Variants in DHX40 observed in about 807,000 individuals in gnomAD.
The protein encoded by DHX40 is DEAH-box helicase 40.
Under a neutral mutation model 89.6 loss-of-function variants are expected in DHX40, and 28 were observed. The ratio of observed to expected loss-of-function variants is 0.31; its 90% CI spans 0.23 to 0.43. The LOEUF is 0.43. Ranked by LOEUF, DHX40 falls within the 20% of genes least tolerant of loss-of-function variation. The probability of loss-of-function intolerance (pLI) is 1.00; values close to 1 mark genes in which losing one functional copy is unlikely to be tolerated. For missense variants in DHX40, 457 were observed against 844.0 expected (o/e 0.54, Z 5.68); for synonymous variants, 226 against 283.6 (o/e 0.80, Z 2.04).
intron 12 of DHX40, among the ~76,000 whole-genome samples, chr17:59,596,226 C>G (rs549838989): frequency 1.7e-3 from 252 of 152,192 alleles, no homozygotes; most frequent in Non-Finnish European, 2.9e-3. Flanking sequence ...ATGATATCTT[C>G]TGGGGGATGG....
intron 3 of DHX40, among the ~76,000 whole-genome samples, chr17:59,572,186 G>A (rs1266075636): frequency 1.3e-5 from 2 of 152,006 alleles, no homozygotes; most frequent in East Asian, 1.9e-4. Flanking sequence ...GCTACAAAAC[G>A]ATCCCTGGTT....
chr17:59,574,521 A>G (rs935972679), intron 6 of DHX40, among the ~76,000 whole-genome samples: 9 of 151,414 alleles, frequency 5.9e-5, no homozygotes, highest in African/African-American at 1.9e-4. Flanking sequence ...AAGACATAGT[A>G]GTATATGTCA....
intron 17 of DHX40, among the ~76,000 whole-genome samples, chr17:59,606,430 A>G (rs1264162538): frequency 1.3e-5 from 2 of 152,328 alleles, no homozygotes; most frequent in Admixed American, 6.5e-5. Context: ...CGAATAAATC[A>G]TAGAAAAATC....
At chr17:59,598,376 C>G (rs983312341) in intron 12 of DHX40, among the ~76,000 whole-genome samples, 5 of 151,952 alleles carry the variant, frequency 3.3e-5, no homozygotes, top group Non-Finnish European at 7.4e-5. Flanking sequence ...GGTAGTGTGA[C>G]TGGGGAACAT....
chr17:59,586,489 C>T (rs948059986), intron 11 of DHX40, among the ~76,000 whole-genome samples: 2 of 151,490 alleles, frequency 1.3e-5, no homozygotes, highest in African/African-American at 4.9e-5. Flanking sequence ...GGTGAAGCCC[C>T]GTCTCTACTA....
chr17:59,583,602 C>T (rs79890228), intron 10 of DHX40, among the ~76,000 whole-genome samples: 2,646 of 142,110 alleles, frequency 0.019, 14 homozygotes, highest in African/African-American at 0.06. Context: ...TTTTTTAGGC[C>T]GGGTGCGGTG....
At chr17:59,605,088 T>C in intron 15 of DHX40, 27 bp from the exon 16 acceptor site, 1 of 1,604,444 alleles carries the variant, frequency 6.2e-7, no homozygotes, top group Non-Finnish European at 8.5e-7. Flanking sequence ...TGTTGTAGTC[T>C]TTATCATTTT....
At chr17:59,572,010 G>T (rs1009848088) in intron 3 of DHX40, among the ~76,000 whole-genome samples, 1 of 152,112 alleles carries the variant, frequency 6.6e-6, no homozygotes, top group African/African-American at 2.4e-5. Context: ...TTATGTGTTT[G>T]TATTCTTGAA....
At position 59,577,206 on chromosome 17, in the gene DHX40, A is replaced by G. The variant is rs1459357541; in HGVS notation, c.974-60A>G. On this transcript the variant is annotated intron_variant, in intron 7 of 17. Coordinates refer to ENST00000251241, the MANE Select transcript of DHX40 (RefSeq NM_024612.5). The stretch of plus-strand genomic sequence containing the variant: ...TTGTAATGAAAAATTAAGTTCTTCA[A>G]AACTCGAGTTTGACACATGCATGTT... 2.8e-6 allele frequency: 4 copies of G among 1,429,320 alleles called. 1 individual carries two copies. The highest frequency in any genetic ancestry group is 9.8e-7 in the Non-Finnish European group (1 of 1,018,360). 88.5% of individuals were successfully genotyped at this position (1,429,320 alleles called of 1,614,324 possible).
intron 12 of DHX40, among the ~76,000 whole-genome samples, chr17:59,594,088 T>C (rs1464532095): frequency 6.6e-6 from 1 of 152,218 alleles, no homozygotes; most frequent in Non-Finnish European, 1.5e-5. Context: ...AGACATTCCC[T>C]CTCTATTTAC....
intron 4 of DHX40, 126 bp from the exon 5 acceptor site, chr17:59,573,614 C>A: frequency 5.4e-6 from 6 of 1,106,866 alleles, no homozygotes; most frequent in Non-Finnish European, 6.4e-6. Context: ...TGAGCCACTG[C>A]ACCTGGCTCC....
chr17:59,588,061 G>A lies in DHX40; in HGVS notation c.1582+8G>A. 1 of 1,611,312 alleles carries A rather than the reference G, an allele frequency of 6.2e-7. No individual in the cohort carries two copies. The highest frequency in any genetic ancestry group is 1.1e-5 in the South Asian group (1 of 90,776). On this transcript the variant is annotated splice_region_variant and intron_variant, in intron 12 of 17. Coordinates refer to ENST00000251241, the MANE Select transcript of DHX40 (RefSeq NM_024612.5). Reference sequence around the variant, plus strand: ...ACGTCTTCATTAGACCTGGTAAGATGTTTATTTTAAGTTGTGTTTTTTAAA... The same window carrying A: ...ACGTCTTCATTAGACCTGGTAAGATATTTATTTTAAGTTGTGTTTTTTAAA...
intron 4 of DHX40, 46 bp from the exon 5 acceptor site, chr17:59,573,694 C>A: frequency 6.3e-7 from 1 of 1,585,876 alleles, no homozygotes; most frequent in Non-Finnish European, 8.6e-7. Context: ...AATAGTTTGG[C>A]TGTTAAGTGT....
At position 59,607,141 on chromosome 17, in the gene DHX40, A is replaced by T. The variant is rs1567907018; in HGVS notation, c.2309A>T (p.Asp770Val). 6.2e-7 allele frequency: 1 copy of T among 1,614,220 alleles called. No individual in the cohort carries two copies. Among genetic ancestry groups the T allele is most frequent in the Non-Finnish European group, 8.5e-7 (1 of 1,180,044 alleles). Reference sequence around the variant, plus strand: ...GAGAGAAAGCAGCAGAGGACCCAGGACCACAGTGACACACGAAAGGAAACA... The same window carrying T: ...GAGAGAAAGCAGCAGAGGACCCAGGTCCACAGTGACACACGAAAGGAAACA... ...FLERKQQRTQ[D>V]HSDTRKETG is the part of the protein sequence containing the mutation. The change falls in exon 18 of 18, where the codon GAC (aspartate) becomes GTC (valine). Residue 770 changes from aspartate to valine, a missense_variant. Asp to Val is a radical substitution (Grantham distance 152). Transcript: ENST00000251241.
chr17:59,577,175 C>T lies in DHX40; in HGVS notation c.974-91C>T, dbSNP rs559180160. 5.1e-5 allele frequency: 57 copies of T among 1,114,000 alleles called. 1 individual carries two copies. The East Asian group carries it at 5.3e-4, about 10-fold the overall frequency. 69.0% of individuals were successfully genotyped at this position (1,114,000 alleles called of 1,614,324 possible). Reference sequence around the variant, plus strand: ...TGAGTCACCACGCCCGGCCTAGAAACATGACTTGTAATGAAAAATTAAGTT... The same window carrying T: ...TGAGTCACCACGCCCGGCCTAGAAATATGACTTGTAATGAAAAATTAAGTT... On this transcript the variant is annotated intron_variant, in intron 7 of 17. Transcript: ENST00000251241.
At chr17:59,598,974 A>G (rs1466696361) in intron 13 of DHX40, 123 bp downstream of exon 13, 24 of 595,342 alleles carry the variant, frequency 4.0e-5, no homozygotes, top group Non-Finnish European at 6.7e-5. Flanking sequence ...AGGTATTTTG[A>G]ATTTCAGTGA....
At position 59,597,798 on chromosome 17, in the gene DHX40, G is replaced by C. The variant is rs962846810; in HGVS notation, c.1583-939G>C. Among the ~76,000 whole-genome samples the C allele has an allele frequency of 8.6e-5, 13 of 151,396 alleles. 1 individual carries two copies. Among genetic ancestry groups the C allele is most frequent in the Admixed American group, 5.9e-4 (9 of 15,246 alleles). ...AAAATACAAAAAATTAGCCGGGCGCGGTGGCGGGCGCCTGTAGTCCCAGCT... is the reference window on the plus strand; with the variant it reads ...AAAATACAAAAAATTAGCCGGGCGCCGTGGCGGGCGCCTGTAGTCCCAGCT... On this transcript the variant is annotated intron_variant, in intron 12 of 17. Coordinates refer to ENST00000251241, the MANE Select transcript of DHX40 (RefSeq NM_024612.5).
At chr17:59,570,419 C>T in intron 2 of DHX40, 99 bp from the exon 3 acceptor site, 1 of 1,198,908 alleles carries the variant, frequency 8.3e-7, no homozygotes, top group Admixed American at 2.9e-5. Flanking sequence ...CTTTTGGAAA[C>T]ATTCAAGCAG....
intron 3 of DHX40, among the ~76,000 whole-genome samples, chr17:59,571,562 C>G (rs1456755060): frequency 6.6e-6 from 1 of 151,602 alleles, no homozygotes; most frequent in Non-Finnish European, 1.5e-5. Context: ...GATTAAAACC[C>G]CCATTTCTCC....
Sources: gnomAD v4.1 joint callset for allele counts (sites outside exome capture counted in the v4.1 genomes callset) on GRCh38, gnomAD v4.1.1 for gene constraint, MANE v1.5 for transcripts, NCBI Gene and HGNC (gene_info 2026-07-23, HGNC 2026-07-21) for gene names.